GAB4: variants seen among roughly 807,000 people sequenced by gnomAD.
GAB4 encodes GRB2-associated-binding protein 4.
Under a neutral mutation model 51.3 loss-of-function variants are expected in GAB4, and 26 were observed. That is an observed-to-expected ratio of 0.51 (90% confidence interval 0.37 to 0.70). The LOEUF (loss-of-function observed/expected upper bound fraction) is 0.70, where lower values mean the gene tolerates loss of function less well. Among genes scored for constraint, GAB4 ranks in the 30% least tolerant of loss-of-function variants. GAB4 has a pLI of 0.00. For missense variants in GAB4, 759 were observed against 734.6 expected, an observed-to-expected ratio of 1.03 and a Z score of -0.38; for synonymous variants, 329 against 291.2, an observed-to-expected ratio of 1.13 and a Z score of -1.32.
chr22:16,985,112 T>C (rs2060857040), intron 3 of GAB4, among the ~76,000 whole-genome samples: 1 of 152,252 alleles, frequency 6.6e-6, no homozygotes, highest in African/African-American at 2.4e-5. Context: ...AATGATATCC[T>C]GCAGTGGGTC....
chr22:16,974,691 C>G (rs1024744364), intron 3 of GAB4, among the ~76,000 whole-genome samples: 10 of 152,224 alleles, frequency 6.6e-5, no homozygotes, highest in African/African-American at 2.4e-4. Context: ...TAAATAAACA[C>G]TTTAAAAACC....
In GAB4 at chr22:16,968,308, C is replaced by T; in HGVS notation, c.1013G>A (p.Cys338Tyr). ...TTAAGCCATACTCACCAGGAAAGAA[C>T]AGACTCCCTCATGCATGGACTCAGC... The part of the protein sequence containing the change: ...RPAESMHEGV[C>Y]SFLPGRTLVG... Residue 338 changes from cysteine to tyrosine, a missense_variant, in exon 5 of 10, where the codon TGT becomes TAT. This residue lies in a region of GAB4 where 588 missense variants were observed against 510.2 expected (regional missense o/e 1.15). Coordinates refer to ENST00000400588, the MANE Select transcript of GAB4 (RefSeq NM_001037814.1). 6.2e-7 allele frequency: 1 copy of T among 1,613,406 alleles called. No homozygotes were observed. The highest frequency in any genetic ancestry group is 1.1e-5 in the South Asian group (1 of 91,056).
rs564886564 is a variant in GAB4 at position 16,980,024 on chromosome 22, G to A, written c.686+7936C>T. Among the ~76,000 whole-genome samples the A allele has an allele frequency of 4.6e-5, 7 of 152,216 alleles. No individual in the cohort carries two copies. The South Asian group carries it at 1.5e-3, about 32-fold the overall frequency. On this transcript the variant is annotated intron_variant, in intron 3 of 9. Coordinates refer to ENST00000400588, the MANE Select transcript of GAB4 (RefSeq NM_001037814.1). ...AAAAATTAACTCAAGATGGATTACA[G>A]ACTTAAACGTAAGACCTAAAACCAC...
rs1245691486 is a variant in GAB4 at position 16,966,245 on chromosome 22, A to G, written c.1143T>C (p.Gly381=). Reference sequence around the variant, plus strand: ...GACATGAGCCCACAGGGATGCAGACACCCTGGGAATCATCGCCTGCTTGCT... The same window carrying G: ...GACATGAGCCCACAGGGATGCAGACGCCCTGGGAATCATCGCCTGCTTGCT... ...AVKQAGDDSQ[G]VCIPVGSCLV... Residue 381 remains glycine (G), a synonymous_variant, in exon 6 of 10, where the codon GGT becomes GGC. Coordinates refer to ENST00000400588, the MANE Select transcript of GAB4 (RefSeq NM_001037814.1). The G allele has an allele frequency of 9.3e-6, 15 of 1,613,884 alleles. No homozygotes were observed. Among genetic ancestry groups the G allele is most frequent in the Non-Finnish European group, 1.3e-5 (15 of 1,180,030 alleles).
chr22:16,979,016 T>C (rs1223029989), intron 3 of GAB4, among the ~76,000 whole-genome samples: 5 of 152,170 alleles, frequency 3.3e-5, no homozygotes, highest in African/African-American at 9.7e-5. Context: ...AAACTAGGTA[T>C]TGATGGGATG....
At chr22:16,995,025 G>C (rs542108401) in intron 1 of GAB4, among the ~76,000 whole-genome samples, 6 of 152,244 alleles carry the variant, frequency 3.9e-5, no homozygotes, top group Admixed American at 1.3e-4. Context: ...CTCTTAATGT[G>C]ATGAATTGCA....
At chr22:16,972,251 C>T (rs1348485418) in intron 3 of GAB4, among the ~76,000 whole-genome samples, 1 of 152,214 alleles carries the variant, frequency 6.6e-6, no homozygotes, top group Non-Finnish European at 1.5e-5. Flanking sequence ...GGGATGAGCA[C>T]ACGGCTGCAG....
chr22:16,989,495 T>C (rs2060896421), intron 2 of GAB4, among the ~76,000 whole-genome samples: 1 of 152,240 alleles, frequency 6.6e-6, no homozygotes, highest in Non-Finnish European at 1.5e-5. Flanking sequence ...CAGAAACATA[T>C]GGCAGGGCTC....
chr22:16,988,267 T>G lies in GAB4; in HGVS notation c.479-100A>C, dbSNP rs1037136157. On this transcript the variant is annotated intron_variant, in intron 2 of 9. Coordinates refer to ENST00000400588, the MANE Select transcript of GAB4 (RefSeq NM_001037814.1). ...TGGCGGTAATCCAGCACCAGCACTC[T>G]TCCTCTCACATGCCTGCCTCCTCTG... 31 of 791,704 alleles carry G rather than the reference T, an allele frequency of 3.9e-5. No homozygotes were observed. The African/African-American group carries it at 4.2e-4, about 11-fold the overall frequency. The allele number at this position is 791,704 out of a possible 1,614,324, so 49.0% of individuals were successfully genotyped here.
chr22:16,966,247 C>G lies in GAB4; in HGVS notation c.1141G>C (p.Gly381Arg), dbSNP rs375901031. Residue 381 changes from glycine to arginine, a missense_variant, in exon 6 of 10, where the codon GGT (glycine) becomes CGT (arginine). Physicochemically the swap from Gly to Arg is moderately radical, Grantham distance 125 (BLOSUM62 -2). This residue lies in a region of GAB4 where 588 missense variants were observed against 510.2 expected (regional missense o/e 1.15). Coordinates refer to ENST00000400588, the MANE Select transcript of GAB4 (RefSeq NM_001037814.1). ...CATGAGCCCACAGGGATGCAGACACCCTGGGAATCATCGCCTGCTTGCTTC... is the reference window on the plus strand; with the variant it reads ...CATGAGCCCACAGGGATGCAGACACGCTGGGAATCATCGCCTGCTTGCTTC... ...AVKQAGDDSQ[G>R]VCIPVGSCLV... is the part of the protein sequence containing the mutation. 70 of 1,613,876 alleles carry G rather than the reference C, an allele frequency of 4.3e-5. No individual in the cohort carries two copies. The highest frequency in any genetic ancestry group is 5.4e-5 in the Non-Finnish European group (64 of 1,180,020).
At chr22:16,971,947 G>A (rs1479376834) in intron 3 of GAB4, among the ~76,000 whole-genome samples, 1 of 152,212 alleles carries the variant, frequency 6.6e-6, no homozygotes, top group Non-Finnish European at 1.5e-5. Flanking sequence ...CCAACAGCAT[G>A]GGCCTCCATA....
intron 5 of GAB4, chr22:16,967,528 A>T (rs11704162): frequency 0.022 from 3,364 of 152,448 alleles, 56 homozygotes; most frequent in Middle Eastern, 0.068. Flanking sequence ...AGACAAGGAG[A>T]TTCCTCTCCC....
Position 16,970,096 on chromosome 22 carries a change from C to T in GAB4, c.784G>A (p.Gly262Arg), listed in dbSNP as rs1377922040. Residue 262 changes from glycine (G) to arginine (R), a missense_variant, in exon 4 of 10, where the codon GGG (glycine) becomes AGG (arginine). Coordinates refer to ENST00000400588, the MANE Select transcript of GAB4 (RefSeq NM_001037814.1). ...AAGCCATGGATGTGACCGCTGACCC[C>T]ATCAACACTGTATCCACTGTGCTGG... is the stretch of plus-strand genomic sequence containing the variant. ...LAQHSGYSVDGVSGHIHGFHS... is the reference protein window; with the variant it reads ...LAQHSGYSVDRVSGHIHGFHS... 2.5e-6 allele frequency: 4 copies of T among 1,614,060 alleles called. No individual in the cohort carries two copies. The African/African-American group carries it at 4.0e-5, about 16-fold the overall frequency.
At chr22:16,968,534 C>T (rs555269415) in intron 4 of GAB4, 151 bp from the exon 5 acceptor site, 1 of 646,022 alleles carries the variant, frequency 1.5e-6, no homozygotes, top group Non-Finnish European at 2.8e-6. Flanking sequence ...CTAACACATC[C>T]CTGCTCCCTA....
In GAB4 at chr22:16,963,823, C is replaced by T. The variant is rs1411830999; in HGVS notation, c.1483G>A (p.Ala495Thr). The change falls in exon 9 of 10, where the codon GCA becomes ACA. Residue 495 changes from alanine (A) to threonine (T), a missense_variant. Transcript: ENST00000400588. Reference sequence around the variant, plus strand: ...CCACCGGAAACAGGAAATGCAGATGCCGGGTTCTGCTGTCACAAGGAGGAA... The same window carrying T: ...CCACCGGAAACAGGAAATGCAGATGTCGGGTTCTGCTGTCACAAGGAGGAA... The part of the protein sequence containing the change: ...SGERYLFPNP[A>T]SAFPVSGGTS... 2.5e-6 allele frequency: 4 copies of T among 1,613,468 alleles called. No individual in the cohort carries two copies. The highest frequency in any genetic ancestry group is 1.7e-6 in the Non-Finnish European group (2 of 1,179,670).
intron 3 of GAB4, among the ~76,000 whole-genome samples, chr22:16,976,985 A>C (rs1175972072): frequency 1.3e-5 from 2 of 152,196 alleles, no homozygotes; most frequent in Non-Finnish European, 2.9e-5. Flanking sequence ...GATTTTTGTC[A>C]CCACCATGCC....
chr22:16,968,184 A>G (rs1956465178), intron 5 of GAB4, 114 bp downstream of exon 5: 1 of 749,392 alleles, frequency 1.3e-6, no homozygotes, highest in East Asian at 2.6e-5. Context: ...GAACCTAGGC[A>G]GCCTCCTAGG....
intron 3 of GAB4, among the ~76,000 whole-genome samples, chr22:16,974,500 T>G (rs2060759915): frequency 1.3e-5 from 2 of 152,160 alleles, no homozygotes; most frequent in South Asian, 4.1e-4. Context: ...AGCAGCGCAG[T>G]GCACCTGCCC....
chr22:16,988,052 C>CA lies in GAB4; in HGVS notation c.593dup (p.Ser199ValfsTer40). 1 of 1,607,718 alleles carries CA rather than the reference C, an allele frequency of 6.2e-7. No individual in the cohort carries two copies. Among genetic ancestry groups the CA allele is most frequent in the Non-Finnish European group, 8.5e-7 (1 of 1,177,248 alleles). ...GCCAGGTGGGCGGCACACAGTGAGA[C>CA]ACCGGGGGCTCAGATGTGGGTTCTT... On this transcript the variant is annotated frameshift_variant, in exon 3 of 10. Coordinates refer to ENST00000400588, the MANE Select transcript of GAB4 (RefSeq NM_001037814.1). LOFTEE classifies it high-confidence loss of function.
Sources: gnomAD v4.1 joint callset for allele counts (sites outside exome capture counted in the v4.1 genomes callset) on GRCh38, gnomAD v4.1.1 for gene constraint, gnomAD v4.1.1 regional missense constraint, MANE v1.5 for transcripts, NCBI Gene and HGNC (gene_info 2026-07-23, HGNC 2026-07-21) for gene names.